The following MCCC2 variants were observed in gnomAD, a reference collection of about 807,000 sequenced individuals.
The protein encoded by MCCC2 is methylcrotonoyl-CoA carboxylase beta chain, mitochondrial.
A neutral mutation model predicts 77.2 loss-of-function variants in MCCC2; 52 were observed. That is an observed-to-expected ratio of 0.67 (90% CI 0.54 to 0.85). The LOEUF is 0.85. MCCC2 is among the 40% of genes least tolerant of loss of function. MCCC2 has a pLI of 0.00. For missense variants in MCCC2, 682 were observed against 703.2 expected (o/e 0.97, Z 0.34); for synonymous variants, 253 against 248.4 (o/e 1.02, Z -0.18).
intron 6 of MCCC2, among the ~76,000 whole-genome samples, chr5:71,625,764 A>G (rs1746510704): frequency 6.6e-6 from 1 of 152,250 alleles, no homozygotes. Flanking sequence ...AGATGGAAAA[A>G]TGCTAACTCA....
chr5:71,629,450 A>G (rs1168324147), intron 7 of MCCC2, among the ~76,000 whole-genome samples: 2 of 152,192 alleles, frequency 1.3e-5, no homozygotes, highest in African/African-American at 2.4e-5. Flanking sequence ...ACTAAAAGCC[A>G]CTGAATTGTA....
chr5:71,644,870 T>C (rs1461269700), intron 12 of MCCC2, among the ~76,000 whole-genome samples: 1 of 152,056 alleles, frequency 6.6e-6, no homozygotes, highest in African/African-American at 2.4e-5. Flanking sequence ...GATTATAAAA[T>C]GAGAACAAGA....
intron 7 of MCCC2, among the ~76,000 whole-genome samples, chr5:71,631,866 G>A (rs892943131): frequency 3.3e-5 from 5 of 151,804 alleles, no homozygotes; most frequent in Non-Finnish European, 7.4e-5. Flanking sequence ...AAACGTGTGG[G>A]CTCAAATGAG....
chr5:71,592,458 G>A (rs1352324296), intron 1 of MCCC2, among the ~76,000 whole-genome samples: 2 of 152,150 alleles, frequency 1.3e-5, no homozygotes, highest in Non-Finnish European at 2.9e-5. Context: ...AGTGTACTTT[G>A]TCAGTAAGCA....
chr5:71,607,239 T>G (rs1745718710), intron 6 of MCCC2, among the ~76,000 whole-genome samples: 1 of 151,940 alleles, frequency 6.6e-6, no homozygotes, highest in South Asian at 2.1e-4. Flanking sequence ...TATTGATTAT[T>G]GCCACAATTT....
chr5:71,643,485 T>G (rs1257688782), intron 11 of MCCC2, among the ~76,000 whole-genome samples: 1 of 152,236 alleles, frequency 6.6e-6, no homozygotes, highest in Non-Finnish European at 1.5e-5. Flanking sequence ...AATGATATTT[T>G]TATAGTATCC....
At chr5:71,635,810 A>C (rs907224549) in intron 10 of MCCC2, 3 of 166,270 alleles carry the variant, frequency 1.8e-5, no homozygotes, top group Admixed American at 5.9e-5. Flanking sequence ...GTAGTTTTTA[A>C]ATTAGGAAAT....
At position 71,656,362 on chromosome 5, in the gene MCCC2, CTGCATATTAATGACAGAAT is replaced by C. The variant is rs1395983778; in HGVS notation, c.1575-380_1575-362del. On this transcript the variant is annotated intron_variant, in intron 16 of 16. Coordinates refer to ENST00000340941, the MANE Select transcript of MCCC2 (RefSeq NM_022132.5). ...GGTTATTACCTGGGTATATGTGGTTCTGCATATTAATGACAGAATACACCAACTTGGCTTATATATTTGT... is the reference window on the plus strand; with the variant it reads ...GGTTATTACCTGGGTATATGTGGTTCACACCAACTTGGCTTATATATTTGT... 6.6e-5 allele frequency among the ~76,000 whole-genome samples: 10 copies of C among 152,144 alleles called. No homozygotes were observed. In the East Asian group the frequency reaches 1.7e-3, roughly 26 times the overall value.
chr5:71,589,445 T>C lies in MCCC2; in HGVS notation c.129+1891T>C, dbSNP rs543650614. Among the ~76,000 whole-genome samples the C allele has an allele frequency of 2.6e-5, 4 of 152,378 alleles. No individual in the cohort carries two copies. In the South Asian group the frequency reaches 8.3e-4, roughly 32 times the overall value. The stretch of plus-strand genomic sequence containing the variant: ...GCAGGGTAGGTTCAGGTCTGCTCCA[T>C]GTGTCTTCCCATTCCTGGACTGAGG... On this transcript the variant is annotated intron_variant, in intron 1 of 16. Coordinates refer to ENST00000340941, the MANE Select transcript of MCCC2 (RefSeq NM_022132.5).
chr5:71,654,273 C>T (rs183889761), intron 16 of MCCC2, among the ~76,000 whole-genome samples: 1 of 152,084 alleles, frequency 6.6e-6, no homozygotes, highest in African/African-American at 2.4e-5. Flanking sequence ...GGATTACAGG[C>T]GTGAGCCACC....
rs547112690 is a variant in MCCC2 at position 71,605,046 on chromosome 5, G to A, written c.624+578G>A. Among the ~76,000 whole-genome samples the A allele has an allele frequency of 3.5e-5, 3 of 86,614 alleles. No individual in the cohort carries two copies. In the East Asian group the frequency reaches 1.0e-3, roughly 29 times the overall value. The allele number at this position is 86,614 out of a possible 152,430, so 56.8% of individuals were successfully genotyped here. On this transcript the variant is annotated intron_variant, in intron 6 of 16. Coordinates refer to ENST00000340941, the MANE Select transcript of MCCC2 (RefSeq NM_022132.5). The stretch of plus-strand genomic sequence containing the variant: ...GAATAATGCCGCAATAAACATACGT[G>A]TGCATGTGTCTTTATAGCAGCATGA...
chr5:71,644,466 A>G (rs1162711269), intron 12 of MCCC2, among the ~76,000 whole-genome samples: 1 of 152,066 alleles, frequency 6.6e-6, no homozygotes, highest in African/African-American at 2.4e-5. Context: ...TTTATTTATT[A>G]TTATTATTAT....
chr5:71,597,007 G>C (rs1394741170), intron 3 of MCCC2, among the ~76,000 whole-genome samples: 1 of 152,028 alleles, frequency 6.6e-6, no homozygotes, highest in Non-Finnish European at 1.5e-5. Flanking sequence ...AAAAAGAAAA[G>C]GTGGCCCAGG....
At chr5:71,641,743 TA>T (rs1304541851) in intron 11 of MCCC2, among the ~76,000 whole-genome samples, 1 of 152,184 alleles carries the variant, frequency 6.6e-6, no homozygotes, top group African/African-American at 2.4e-5. Flanking sequence ...TACTTGTTCA[TA>T]AAAAACTTGA....
intron 6 of MCCC2, among the ~76,000 whole-genome samples, chr5:71,609,046 T>C (rs1161698306): frequency 2.6e-5 from 4 of 152,092 alleles, no homozygotes; most frequent in South Asian, 2.1e-4. Flanking sequence ...ATTATGTGTC[T>C]TGGAGTTGCT....
At chr5:71,649,818 A>G (rs1747382784) in intron 14 of MCCC2, among the ~76,000 whole-genome samples, 1 of 152,224 alleles carries the variant, frequency 6.6e-6, no homozygotes, top group Non-Finnish European at 1.5e-5. Flanking sequence ...GTAGATCATG[A>G]GAGGATATTA....
chr5:71,591,703 C>T (rs1023070510), intron 1 of MCCC2, among the ~76,000 whole-genome samples: 2 of 151,952 alleles, frequency 1.3e-5, no homozygotes, highest in African/African-American at 4.8e-5. Context: ...TCCCAAAGTG[C>T]TGAGATTACA....
chr5:71,609,129 T>G (rs1287102388), intron 6 of MCCC2, among the ~76,000 whole-genome samples: 23 of 152,130 alleles, frequency 1.5e-4, no homozygotes, highest in Non-Finnish European at 2.5e-4. Flanking sequence ...TGCTAGATTG[T>G]GGAAGTTCTC....
At chr5:71,635,101 A>C (rs770332876) in intron 9 of MCCC2, 50 bp from the exon 10 acceptor site, 5 of 1,612,950 alleles carry the variant, frequency 3.1e-6, no homozygotes, top group Middle Eastern at 1.7e-4. Flanking sequence ...GACTCACTGC[A>C]CCTTGAAATC....
Sources: gnomAD v4.1 joint callset for allele counts (sites outside exome capture counted in the v4.1 genomes callset) on GRCh38, gnomAD v4.1.1 for gene constraint, MANE v1.5 for transcripts, NCBI Gene and HGNC (gene_info 2026-07-23, HGNC 2026-07-21) for gene names.